The following UROS variants were observed in gnomAD, a reference collection of about 807,000 sequenced individuals.
UROS encodes the protein uroporphyrinogen III synthase.
A neutral mutation model predicts 33.0 loss-of-function variants in UROS; 18 were observed. That is an observed-to-expected ratio of 0.55 (90% CI 0.38 to 0.81). UROS has a LOEUF of 0.81. Among genes scored for constraint, UROS ranks in the 30% least tolerant of loss-of-function variants. The pLI is 0.00. For synonymous variants in UROS, 114 were observed against 121.1 expected, an observed-to-expected ratio of 0.94 and a Z score of 0.38; for missense variants, 293 against 314.9, an observed-to-expected ratio of 0.93 and a Z score of 0.53.
intron 7 of UROS, among the ~76,000 whole-genome samples, chr10:125,797,773 AG>A (rs1337443345): frequency 1.6e-4 from 8 of 51,578 alleles, no homozygotes; most frequent in Middle Eastern, 6.8e-3. Flanking sequence ...TTATCTGCCC[AG>A]GGGCCACCTC....
intron 6 of UROS, among the ~76,000 whole-genome samples, chr10:125,799,441 C>T (rs1851629728): frequency 6.6e-6 from 1 of 152,112 alleles, no homozygotes; most frequent in African/African-American, 2.4e-5. Context: ...ATGTTAGGGG[C>T]CAAAGCTCTT....
At chr10:125,792,343 C>T (rs964464749) in intron 9 of UROS, 1 of 152,178 alleles carries the variant, frequency 6.6e-6, no homozygotes, top group African/African-American at 2.4e-5. Flanking sequence ...CTTCCCCAGG[C>T]CAGGCGAGGG....
At chr10:125,796,071 C>T (rs919528162) in intron 8 of UROS, 32 bp downstream of exon 8, 1 of 1,610,008 alleles carries the variant, frequency 6.2e-7, no homozygotes, top group Non-Finnish European at 8.5e-7. Context: ...TGGGCACCCA[C>T]CCTGCCAGAA....
At position 125,790,388 on chromosome 10, in the gene UROS, C is replaced by G. The variant is rs115668722; in HGVS notation, c.661-1383G>C. 4.5e-3 allele frequency among the ~76,000 whole-genome samples: 691 copies of G among 152,254 alleles called. 3 individuals carry two copies. Among genetic ancestry groups the G allele is most frequent in the African/African-American group, 0.015 (639 of 41,546 alleles). ...TAAAGCAACACTAAATTAATGGTTT[C>G]TTGGATACAACACCCGAAGCACAAG... On this transcript the variant is annotated intron_variant, in intron 9 of 9. Transcript: ENST00000368797.
rs187037187 is a variant in UROS at position 125,814,963 on chromosome 10, A to G, written c.244+71T>C. ...TCTTAGAAGTGCAGCTGCTTCTGGA[A>G]TTTAGTCTCCCAGCAGGAGAAATAA... is the stretch of plus-strand genomic sequence containing the variant. On this transcript the variant is annotated intron_variant, in intron 4 of 9. Coordinates refer to ENST00000368797, the MANE Select transcript of UROS (RefSeq NM_000375.3). The G allele has an allele frequency of 2.2e-5, 33 of 1,529,308 alleles. No individual in the cohort carries two copies. In the East Asian group the frequency reaches 6.1e-4, roughly 28 times the overall value. The allele number at this position is 1,529,308 out of a possible 1,614,324, so 94.7% of individuals were successfully genotyped here. A position where few individuals can be genotyped will look rare whatever the true frequency, so the allele number is the denominator to read the frequency against.
chr10:125,807,284 G>A lies in UROS; in HGVS notation c.394+129C>T, dbSNP rs1039614621. Reference sequence around the variant, plus strand: ...CAAATAGGCTATGCTCCCAGAGTGGGTTATACGATGCTCACCAATCAATCT... The same window carrying A: ...CAAATAGGCTATGCTCCCAGAGTGGATTATACGATGCTCACCAATCAATCT... On this transcript the variant is annotated intron_variant, in intron 6 of 9. Transcript: ENST00000368797. The A allele has an allele frequency of 4.9e-6, 4 of 818,068 alleles. No individual in the cohort carries two copies. The African/African-American group carries it at 6.8e-5, about 14-fold the overall frequency. The allele number at this position is 818,068 out of a possible 1,614,324, so 50.7% of individuals were successfully genotyped here. A position where few individuals can be genotyped will look rare whatever the true frequency, so the allele number is the denominator to read the frequency against.
intron 7 of UROS, 41 bp from the exon 8 acceptor site, chr10:125,796,229 G>A (rs751557020): frequency 6.3e-7 from 1 of 1,587,252 alleles, no homozygotes; most frequent in Non-Finnish European, 8.7e-7. Context: ...ACCGCACTGG[G>A]CACACAATGG....
chr10:125,804,943 C>CAA (rs1852186544), intron 6 of UROS, among the ~76,000 whole-genome samples: 1 of 152,242 alleles, frequency 6.6e-6, no homozygotes, highest in South Asian at 2.1e-4. Context: ...CAACGCCCTG[C>CAA]AAAGGGCCTG....
At position 125,801,956 on chromosome 10, in the gene UROS, C is replaced by T. The variant is rs1564786301; in HGVS notation, c.395-3811G>A. On this transcript the variant is annotated intron_variant, in intron 6 of 9. Coordinates refer to ENST00000368797, the MANE Select transcript of UROS (RefSeq NM_000375.3). Reference sequence around the variant, plus strand: ...CTGTGGGTACAGCTCAATGTCTTCACTGAAAACAGGCAGGAGCCACCTATT... The same window carrying T: ...CTGTGGGTACAGCTCAATGTCTTCATTGAAAACAGGCAGGAGCCACCTATT... 5.3e-6 allele frequency: 5 copies of T among 947,784 alleles called. No individual in the cohort carries two copies. In the South Asian group the frequency reaches 1.5e-4, roughly 28 times the overall value. The allele number at this position is 947,784 out of a possible 1,614,324, so 58.7% of individuals were successfully genotyped here. A position where few individuals can be genotyped will look rare whatever the true frequency, so the allele number is the denominator to read the frequency against.
intron 5 of UROS, 135 bp from the exon 6 acceptor site, chr10:125,807,622 C>A: frequency 1.4e-6 from 1 of 735,538 alleles, no homozygotes. Context: ...TTGAAAGCTA[C>A]TGAGGGAAGA....
At chr10:125,805,796 G>A (rs922353881) in intron 6 of UROS, among the ~76,000 whole-genome samples, 1 of 152,118 alleles carries the variant, frequency 6.6e-6, no homozygotes, top group Non-Finnish European at 1.5e-5. Flanking sequence ...CTATGTACCC[G>A]AGACACGCTG....
intron 6 of UROS, among the ~76,000 whole-genome samples, chr10:125,803,980 A>G (rs1418935355): frequency 6.6e-6 from 1 of 152,266 alleles, no homozygotes. Flanking sequence ...CTGTGATACA[A>G]GAGGAAATAT....
At chr10:125,814,943 G>A in intron 4 of UROS, 91 bp downstream of exon 4, 1 of 1,418,458 alleles carries the variant, frequency 7.0e-7, no homozygotes. Context: ...ACTTCTCTTA[G>A]AAGTGCAGCT....
Position 125,812,073 on chromosome 10 carries a change from T to C in UROS, c.319+141A>G, listed in dbSNP as rs1852863717. 11 of 714,070 alleles carry C rather than the reference T, an allele frequency of 1.5e-5. No individual in the cohort carries two copies. The South Asian group carries it at 1.9e-4, about 12-fold the overall frequency. 44.2% of individuals were successfully genotyped at this position (714,070 alleles called of 1,614,324 possible). A position where few individuals can be genotyped will look rare whatever the true frequency, so the allele number is the denominator to read the frequency against. On this transcript the variant is annotated intron_variant, in intron 5 of 9. Transcript: ENST00000368797. ...GATTATATTTGTTTCACTGCATTCT[T>C]ATCAGTAGTATCGTATACTTAATTA...
intron 6 of UROS, chr10:125,802,626 C>A: frequency 9.3e-7 from 1 of 1,070,354 alleles, no homozygotes; most frequent in Non-Finnish European, 1.1e-6. Flanking sequence ...AAATGGTGAA[C>A]ACTTTCTACC....
At chr10:125,798,610 G>T (rs1420673763) in intron 6 of UROS, among the ~76,000 whole-genome samples, 5 of 152,244 alleles carry the variant, frequency 3.3e-5, no homozygotes, top group African/African-American at 4.8e-5. Context: ...CCGGCAGCCA[G>T]GAGTGGCTCT....
chr10:125,809,382 C>G (rs1852604353), intron 5 of UROS, among the ~76,000 whole-genome samples: 1 of 152,200 alleles, frequency 6.6e-6, no homozygotes, highest in Non-Finnish European at 1.5e-5. Flanking sequence ...AAACCACAAG[C>G]CAACCATCTT....
At chr10:125,795,301 A>G (rs1851262214) in intron 8 of UROS, 2 of 396,234 alleles carry the variant, frequency 5.0e-6, no homozygotes, top group Admixed American at 7.4e-5. Flanking sequence ...TACGGCACTG[A>G]TCACATGAGG....
chr10:125,802,327 TC>T, intron 6 of UROS: 1 of 985,886 alleles, frequency 1.0e-6, no homozygotes, highest in Non-Finnish European at 1.2e-6. Context: ...GGAACAACTG[TC>T]TGTGGCTTCC....
Sources: allele counts gnomAD v4.1 joint callset (sites outside exome capture counted in the v4.1 genomes callset), GRCh38; gene constraint gnomAD v4.1.1; transcripts MANE v1.5; gene names NCBI Gene and HGNC (gene_info 2026-07-23, HGNC 2026-07-21).